LDLRAD4: variants seen among roughly 807,000 people sequenced by gnomAD.
LDLRAD4 encodes the protein low-density lipoprotein receptor class A domain-containing protein 4.
Under a neutral mutation model 17.0 loss-of-function variants are expected in LDLRAD4, and 5 were observed. The ratio of observed to expected loss-of-function variants is 0.29; its 90% CI spans 0.15 to 0.62. The LOEUF (loss-of-function observed/expected upper bound fraction) is 0.62. LDLRAD4 is among the 20% of genes least tolerant of loss of function. The pLI, the probability that LDLRAD4 is intolerant of heterozygous loss-of-function variation, is 0.84. For synonymous variants in LDLRAD4, 168 were observed against 171.8 expected (o/e 0.98, Z 0.17); for missense variants, 340 against 424.7 (o/e 0.80, Z 1.75).
chr18:13,397,748 C>T (rs542230384), intron 2 of LDLRAD4, among the ~76,000 whole-genome samples: 18 of 152,366 alleles, frequency 1.2e-4, no homozygotes, highest in Middle Eastern at 3.4e-3. Flanking sequence ...GGTGCTACCA[C>T]GGCGCAGCAC....
chr18:13,594,774 C>CA (rs1327234714), intron 3 of LDLRAD4, among the ~76,000 whole-genome samples: 1 of 151,126 alleles, frequency 6.6e-6, no homozygotes, highest in Non-Finnish European at 1.5e-5. Flanking sequence ...TTCTCTTCTC[C>CA]AAAAAGAAGT....
At chr18:13,359,829 G>A (rs940166114) in intron 1 of LDLRAD4, among the ~76,000 whole-genome samples, 2 of 152,184 alleles carry the variant, frequency 1.3e-5, no homozygotes, top group African/African-American at 2.4e-5. Context: ...CAGGCCAACC[G>A]CAGCATTGCA....
At chr18:13,476,302 C>T (rs2092937970) in intron 3 of LDLRAD4, among the ~76,000 whole-genome samples, 1 of 152,052 alleles carries the variant, frequency 6.6e-6, no homozygotes, top group African/African-American at 2.4e-5. Context: ...AGTAAATTGC[C>T]AACATTAAGA....
chr18:13,289,188 T>C (rs2146379179), intron 1 of LDLRAD4, among the ~76,000 whole-genome samples: 1 of 152,360 alleles, frequency 6.6e-6, no homozygotes, highest in East Asian at 1.9e-4. Context: ...TATGCTCTTG[T>C]GTCAGTCTTC....
At chr18:13,386,895 G>C (rs1171241970) in intron 1 of LDLRAD4, among the ~76,000 whole-genome samples, 1 of 4,972 alleles carries the variant, frequency 2.0e-4, no homozygotes, top group Admixed American at 3.4e-3. Context: ...GTCATTCATA[G>C]ATAGATAGAT....
At chr18:13,470,491 A>G (rs1408749637) in intron 3 of LDLRAD4, among the ~76,000 whole-genome samples, 1 of 150,302 alleles carries the variant, frequency 6.7e-6, no homozygotes, top group African/African-American at 2.5e-5. Flanking sequence ...TGTCTGCCAC[A>G]GCAAAATAGC....
chr18:13,302,289 C>T (rs750723563), intron 1 of LDLRAD4, among the ~76,000 whole-genome samples: 1 of 152,172 alleles, frequency 6.6e-6, no homozygotes, highest in African/African-American at 2.4e-5. Flanking sequence ...AATGCCATCA[C>T]AAGATTAGTG....
chr18:13,478,625 A>T (rs994945175), intron 3 of LDLRAD4, among the ~76,000 whole-genome samples: 4 of 152,274 alleles, frequency 2.6e-5, no homozygotes, highest in Admixed American at 6.5e-5. Flanking sequence ...TGATTAAAGA[A>T]GTCAAAGAAG....
At position 13,452,563 on chromosome 18, in the gene LDLRAD4, C is replaced by T. The variant is rs143519677; in HGVS notation, c.181+14179C>T. 3.5e-3 allele frequency among the ~76,000 whole-genome samples: 536 copies of T among 152,180 alleles called. 2 individuals carry two copies. The highest frequency in any genetic ancestry group is 0.013 in the African/African-American group (520 of 41,532). On this transcript the variant is annotated intron_variant, in intron 3 of 5. Transcript: ENST00000359446. ...CTTCTGAAGCTGGAAAGGAGGAAGG[C>T]GGGAGTCCTTGCTCCTGGGCAGAGC...
intron 1 of LDLRAD4, among the ~76,000 whole-genome samples, chr18:13,255,180 G>A (rs1304826421): frequency 6.6e-6 from 1 of 152,148 alleles, no homozygotes; most frequent in Non-Finnish European, 1.5e-5. Context: ...CACAGGGGCT[G>A]CAGACAGATG....
At chr18:13,405,098 TAA>T (rs1026357974) in intron 2 of LDLRAD4, among the ~76,000 whole-genome samples, 2 of 151,846 alleles carry the variant, frequency 1.3e-5, no homozygotes, top group African/African-American at 4.8e-5. Context: ...CAGAAGGTAG[TAA>T]TGATGAACAA....
intron 1 of LDLRAD4, among the ~76,000 whole-genome samples, chr18:13,294,939 G>A (rs972726217): frequency 1.3e-5 from 2 of 152,168 alleles, no homozygotes; most frequent in African/African-American, 2.4e-5. Context: ...TTAGGAAAAG[G>A]GAGTGTACTG....
At chr18:13,535,299 G>T (rs1401477245) in intron 3 of LDLRAD4, among the ~76,000 whole-genome samples, 1 of 152,160 alleles carries the variant, frequency 6.6e-6, no homozygotes, top group Non-Finnish European at 1.5e-5. Context: ...ATGAATGGGG[G>T]TTCTGATTGA....
chr18:13,334,245 T>TC (rs890965674), intron 1 of LDLRAD4, among the ~76,000 whole-genome samples: 1 of 141,170 alleles, frequency 7.1e-6, no homozygotes, highest in African/African-American at 2.9e-5. Flanking sequence ...TTTTTATTTC[T>TC]TTTTTTTTTG....
In LDLRAD4 at chr18:13,337,740, T is replaced by TAAAAAAAAAAAAAA. The variant is rs5823248; in HGVS notation, c.-382-49598_-382-49585dup. The stretch of plus-strand genomic sequence containing the variant: ...AGCAAAACCTTGTCTTTACAAAAAG[T>TAAAAAAAAAAAAAA]AAAAAAAAAAAAAAAAGAGTTAGCC... On this transcript the variant is annotated intron_variant, in intron 1 of 5. Transcript: ENST00000359446. Among the ~76,000 whole-genome samples the TAAAAAAAAAAAAAA allele has an allele frequency of 5.2e-4, 70 of 135,706 alleles. 1 individual carries two copies. In the East Asian group the frequency reaches 7.0e-3, roughly 14 times the overall value. The allele number at this position is 135,706 out of a possible 152,430, so 89.0% of individuals were successfully genotyped here.
intron 3 of LDLRAD4, among the ~76,000 whole-genome samples, chr18:13,468,699 A>G (rs1211729202): frequency 1.3e-5 from 2 of 152,078 alleles, no homozygotes. Flanking sequence ...TGTCCTTTGT[A>G]GGGACATGGA....
At chr18:13,275,727 C>T (rs571684574), upstream of LDLRAD4, among the ~76,000 whole-genome samples, 1 of 151,902 alleles carries the variant, frequency 6.6e-6, no homozygotes, top group East Asian at 1.9e-4. Flanking sequence ...TCTCATGTAC[C>T]CTGTAAATAC....
chr18:13,342,718 C>T (rs1366733422), intron 1 of LDLRAD4, among the ~76,000 whole-genome samples: 1 of 151,694 alleles, frequency 6.6e-6, no homozygotes, highest in Non-Finnish European at 1.5e-5. Flanking sequence ...CACTTTCAAC[C>T]TGTATGTGTC....
chr18:13,273,786 T>G (rs2044699712), upstream of LDLRAD4, among the ~76,000 whole-genome samples: 2 of 152,090 alleles, frequency 1.3e-5, no homozygotes, highest in Admixed American at 6.5e-5. Context: ...CCCTTCAGGG[T>G]TTTCCATCCT....
Sources: gnomAD v4.1 joint callset for allele counts (sites outside exome capture counted in the v4.1 genomes callset) on GRCh38, gnomAD v4.1.1 for gene constraint, MANE v1.5 for transcripts, NCBI Gene and HGNC (gene_info 2026-07-23, HGNC 2026-07-21) for gene names.